CDKL3: variants seen among roughly 807,000 people sequenced by gnomAD.
CDKL3 encodes cyclin-dependent kinase-like 3.
CDKL3 carries 65 observed loss-of-function variants against 69.3 expected under a neutral mutation model. The ratio of observed to expected loss-of-function variants is 0.94; its 90% CI spans 0.77 to 1.15. The LOEUF (loss-of-function observed/expected upper bound fraction) is 1.15, where lower values mean the gene tolerates loss of function less well. CDKL3 is among the 50% of genes most tolerant of loss of function. The pLI, the probability that CDKL3 is intolerant of heterozygous loss-of-function variation, is 0.00. For synonymous variants in CDKL3, 202 were observed against 221.6 expected, an observed-to-expected ratio of 0.91 and a Z score of 0.79; for missense variants, 652 against 689.2, an observed-to-expected ratio of 0.95 and a Z score of 0.61.
chr5:134,303,836 G>T (rs940517089), intron 11 of CDKL3, among the ~76,000 whole-genome samples: 1 of 151,894 alleles, frequency 6.6e-6, no homozygotes, highest in Non-Finnish European at 1.5e-5. Flanking sequence ...GCAGCAGAGT[G>T]AGACTCTGTC....
intron 4 of CDKL3, among the ~76,000 whole-genome samples, chr5:134,347,405 C>T (rs1752171937): frequency 6.6e-6 from 1 of 151,736 alleles, no homozygotes; most frequent in South Asian, 2.1e-4. Context: ...AAGTATATAC[C>T]CAAAAGAAAT....
intron 2 of CDKL3, among the ~76,000 whole-genome samples, chr5:134,364,392 T>G (rs1756852081): frequency 6.6e-6 from 1 of 152,240 alleles, no homozygotes. Flanking sequence ...TTTCCAAAAT[T>G]GAAGTACTTC....
At chr5:134,316,891 G>A (rs1771231269) in intron 6 of CDKL3, among the ~76,000 whole-genome samples, 2 of 152,052 alleles carry the variant, frequency 1.3e-5, no homozygotes, top group African/African-American at 2.4e-5. Flanking sequence ...AACTTTAGAA[G>A]TTTGTAAACC....
downstream of CDKL3, among the ~76,000 whole-genome samples, chr5:134,283,850 T>C (rs1027981343): frequency 1.3e-5 from 2 of 152,144 alleles, no homozygotes; most frequent in Admixed American, 6.6e-5. Flanking sequence ...CTAGATACAA[T>C]GGAGGTACAG....
At chr5:134,318,320 G>A (rs1265347190) in intron 6 of CDKL3, among the ~76,000 whole-genome samples, 1 of 151,704 alleles carries the variant, frequency 6.6e-6, no homozygotes, top group Admixed American at 6.6e-5. Flanking sequence ...ATTTTCTCCA[G>A]GTCAAGAAGG....
At chr5:134,353,121 G>A (rs1255554926) in intron 3 of CDKL3, among the ~76,000 whole-genome samples, 1 of 152,000 alleles carries the variant, frequency 6.6e-6, no homozygotes, top group Non-Finnish European at 1.5e-5. Flanking sequence ...TATAGCTTTA[G>A]TAACTGTCCA....
At chr5:134,306,489 C>T (rs1195203504) in intron 10 of CDKL3, 120 bp downstream of exon 10, 1 of 641,220 alleles carries the variant, frequency 1.6e-6, no homozygotes, top group East Asian at 3.1e-5. Flanking sequence ...AGAGAGAGAT[C>T]CTCTCTCAAA....
intron 6 of CDKL3, among the ~76,000 whole-genome samples, chr5:134,313,030 C>T (rs1451927320): frequency 6.6e-6 from 1 of 152,046 alleles, no homozygotes; most frequent in African/African-American, 2.4e-5. Flanking sequence ...AACAGGTTTT[C>T]AATAAAAAGC....
At chr5:134,364,905 T>G (rs900763005) in intron 2 of CDKL3, among the ~76,000 whole-genome samples, 3 of 151,440 alleles carry the variant, frequency 2.0e-5, no homozygotes, top group African/African-American at 7.3e-5. Flanking sequence ...CTTCTGGGTT[T>G]GAGCGATTGT....
chr5:134,351,225 G>A (rs1250390913), intron 3 of CDKL3, among the ~76,000 whole-genome samples: 3 of 152,064 alleles, frequency 2.0e-5, no homozygotes, highest in African/African-American at 7.2e-5. Flanking sequence ...TTCTCTGTCT[G>A]TTCCTAAAAC....
chr5:134,292,998 A>ATTTC (rs1765185315), intron 8 of CDKL3, among the ~76,000 whole-genome samples: 1 of 101,124 alleles, frequency 9.9e-6, no homozygotes, highest in African/African-American at 3.6e-5. Context: ...CTCACTGCCA[A>ATTTC]TTTCTTTTTT....
At chr5:134,348,076 T>C (rs1752386444) in intron 4 of CDKL3, among the ~76,000 whole-genome samples, 1 of 152,136 alleles carries the variant, frequency 6.6e-6, no homozygotes, top group Non-Finnish European at 1.5e-5. Flanking sequence ...CACATTTGGG[T>C]GACAAAACTT....
At chr5:134,309,596 T>C (rs1440685361) in intron 7 of CDKL3, among the ~76,000 whole-genome samples, 1 of 152,126 alleles carries the variant, frequency 6.6e-6, no homozygotes, top group Non-Finnish European at 1.5e-5. Context: ...TCCCACCCCT[T>C]CCCTGAACTG....
intron 4 of CDKL3, among the ~76,000 whole-genome samples, chr5:134,324,872 T>C (rs1320508406): frequency 6.6e-6 from 1 of 152,214 alleles, no homozygotes; most frequent in Non-Finnish European, 1.5e-5. Flanking sequence ...GGTACATCAA[T>C]TGTAACAAAT....
chr5:134,313,328 T>C (rs1770094771), intron 6 of CDKL3, among the ~76,000 whole-genome samples: 1 of 152,194 alleles, frequency 6.6e-6, no homozygotes, highest in African/African-American at 2.4e-5. Flanking sequence ...GATATCCTCC[T>C]TCCTTAGCCT....
At chr5:134,306,762 T>C in intron 9 of CDKL3, 60 bp from the exon 10 acceptor site, 2 of 1,037,934 alleles carry the variant, frequency 1.9e-6, no homozygotes, top group Non-Finnish European at 2.7e-6. Flanking sequence ...TTTTTTTTTT[T>C]TTTTTTTTTT....
intron 3 of CDKL3, among the ~76,000 whole-genome samples, chr5:134,352,279 T>C (rs1753492839): frequency 1.3e-5 from 2 of 151,818 alleles, no homozygotes; most frequent in African/African-American, 4.8e-5. Flanking sequence ...TACGCATTCA[T>C]CCTTAATGGA....
At chr5:134,358,592 A>G (rs1755203091) in intron 3 of CDKL3, among the ~76,000 whole-genome samples, 1 of 150,650 alleles carries the variant, frequency 6.6e-6, no homozygotes, top group Non-Finnish European at 1.5e-5. Flanking sequence ...CCAGCTTGCT[A>G]TATTTATTTA....
At chr5:134,318,194 G>A (rs1178846429) in intron 6 of CDKL3, among the ~76,000 whole-genome samples, 1 of 151,086 alleles carries the variant, frequency 6.6e-6, no homozygotes, top group Non-Finnish European at 1.5e-5. Context: ...ACTCCACCCT[G>A]GGCAACAAGA....
Sources: allele counts gnomAD v4.1 joint callset (sites outside exome capture counted in the v4.1 genomes callset), GRCh38; gene constraint gnomAD v4.1.1; transcripts MANE v1.5; gene names NCBI Gene and HGNC (gene_info 2026-07-23, HGNC 2026-07-21).